The following ANKIB1 variants were observed in gnomAD, a reference collection of about 807,000 sequenced individuals.
The protein encoded by ANKIB1 is ankyrin repeat and IBR domain containing 1, also known as ankyrin repeat and IBR domain-containing protein 1.
Under a neutral mutation model 122.1 loss-of-function variants are expected in ANKIB1, and 43 were observed. The observed-to-expected ratio is 0.35, with a 90% CI of 0.28 to 0.45. The LOEUF is 0.45. Among genes scored for constraint, ANKIB1 ranks in the 20% least tolerant of loss-of-function variants. The pLI is 1.00. For synonymous variants in ANKIB1, 390 were observed against 442.0 expected (o/e 0.88, Z 1.48); for missense variants, 992 against 1,329.5 (o/e 0.75, Z 3.95).
chr7:92,307,480 G>C lies in ANKIB1; in HGVS notation c.310G>C (p.Ala104Pro). ...ISEGALHPRL[A>P]RPTEDDFRRA... ...TGAAGGAGCCCTTCATCCTCGCTTGGCACGCCCCACAGAAGATGATTTCAG... is the reference window on the plus strand; with the variant it reads ...TGAAGGAGCCCTTCATCCTCGCTTGCCACGCCCCACAGAAGATGATTTCAG... The change falls in exon 3 of 20, where the codon GCA becomes CCA. Residue 104 changes from alanine (A) to proline (P), a missense_variant. By Grantham distance (27) the Ala-to-Pro change is conservative. This residue lies in a region of ANKIB1 where 33 missense variants were observed against 27.5 expected (regional missense o/e 1.20). Transcript: ENST00000265742. 1 of 1,613,780 alleles carries C rather than the reference G, an allele frequency of 6.2e-7. No individual in the cohort carries two copies. The highest frequency in any genetic ancestry group is 8.5e-7 in the Non-Finnish European group (1 of 1,179,854).
In ANKIB1 at chr7:92,350,962, G is replaced by T. The variant is rs961453163; in HGVS notation, c.1098G>T (p.Leu366=). Residue 366 remains leucine, a synonymous_variant, in exon 8 of 20, where the codon CTG becomes CTT. Transcript: ENST00000265742. ...CRGCWESFLN[L]KIQEGEAHNI... ...TCCATTTTAATAGGTTTTTGAATCT[G>T]AAAATTCAAGAAGGTGAAGCTCACA... is the stretch of plus-strand genomic sequence containing the variant. 5 of 1,605,000 alleles carry T rather than the reference G, an allele frequency of 3.1e-6. No individual in the cohort carries two copies. The African/African-American group carries it at 4.0e-5, about 13-fold the overall frequency.
intron 3 of ANKIB1, among the ~76,000 whole-genome samples, chr7:92,310,983 C>T (rs1802680659): frequency 6.6e-6 from 1 of 152,116 alleles, no homozygotes; most frequent in South Asian, 2.1e-4. Flanking sequence ...CAGGTGGTAT[C>T]ATACTACTTT....
chr7:92,279,107 G>T (rs1049907726), intron 1 of ANKIB1, among the ~76,000 whole-genome samples: 1 of 152,176 alleles, frequency 6.6e-6, no homozygotes. Context: ...TCCTTTGTGT[G>T]TGCAGTTCAC....
At chr7:92,395,679 C>T (rs1804874450) in intron 17 of ANKIB1, among the ~76,000 whole-genome samples, 1 of 151,516 alleles carries the variant, frequency 6.6e-6, no homozygotes, top group South Asian at 2.1e-4. Context: ...GCTGGGATTA[C>T]AGGTGCCACC....
chr7:92,340,167 A>G (rs1247017244), intron 5 of ANKIB1, among the ~76,000 whole-genome samples: 2 of 152,126 alleles, frequency 1.3e-5, no homozygotes, highest in African/African-American at 4.8e-5. Context: ...TCTGTAATCC[A>G]GCTGTCTTTC....
intron 1 of ANKIB1, among the ~76,000 whole-genome samples, chr7:92,291,486 T>C (rs1585091374): frequency 6.6e-6 from 1 of 151,184 alleles, no homozygotes; most frequent in Non-Finnish European, 1.5e-5. Context: ...GAAAGAGTTA[T>C]AAAGGCATTC....
intron 11 of ANKIB1, among the ~76,000 whole-genome samples, chr7:92,371,888 ATCCT>A (rs1304208509): frequency 6.6e-6 from 1 of 151,034 alleles, no homozygotes; most frequent in Admixed American, 6.6e-5. Context: ...AAATTCATGA[ATCCT>A]TCCTTGCTAG....
At chr7:92,357,747 AAAG>A in intron 9 of ANKIB1, among the ~76,000 whole-genome samples, 1 of 143,340 alleles carries the variant, frequency 7.0e-6, no homozygotes, top group Non-Finnish European at 1.5e-5. Context: ...AAAAAAAAAA[AAAG>A]AAAAAGAAAA....
intron 1 of ANKIB1, among the ~76,000 whole-genome samples, chr7:92,254,159 T>G (rs1801388280): frequency 6.6e-6 from 1 of 152,150 alleles, no homozygotes; most frequent in Admixed American, 6.5e-5. Context: ...CAGCTGACCC[T>G]TTAGCTGAAC....
chr7:92,370,921 C>T (rs939521957), intron 10 of ANKIB1, among the ~76,000 whole-genome samples: 2 of 151,880 alleles, frequency 1.3e-5, no homozygotes, highest in Admixed American at 6.6e-5. Context: ...TGGAGAGGAA[C>T]CAGATATGAT....
Position 92,294,943 on chromosome 7 carries a change from A to C in ANKIB1, c.-36A>C, listed in dbSNP as rs746901944. The C allele has an allele frequency of 6.6e-7, 1 of 1,516,454 alleles. No individual in the cohort carries two copies. The highest frequency in any genetic ancestry group is 8.9e-7 in the Non-Finnish European group (1 of 1,124,802). The allele number at this position is 1,516,454 out of a possible 1,614,324, so 93.9% of individuals were successfully genotyped here. ...GAAGTGGCTGAAGATAGAAGGAAAA[A>C]AGTGCCACTGCCTATCAGAAAAAAC... On this transcript the variant is annotated 5_prime_UTR_variant, in exon 2 of 20. Coordinates refer to ENST00000265742, the MANE Select transcript of ANKIB1 (RefSeq NM_019004.2).
intron 4 of ANKIB1, among the ~76,000 whole-genome samples, chr7:92,321,013 A>G (rs937898085): frequency 6.6e-6 from 1 of 152,006 alleles, no homozygotes; most frequent in African/African-American, 2.4e-5. Flanking sequence ...GTTCTTTCCT[A>G]TGTCTGAAAT....
At chr7:92,380,676 G>A (rs1336362831) in intron 11 of ANKIB1, among the ~76,000 whole-genome samples, 2 of 152,076 alleles carry the variant, frequency 1.3e-5, no homozygotes, top group Non-Finnish European at 2.9e-5. Flanking sequence ...CCTGTTAGAA[G>A]GAAAACTAAC....
intron 1 of ANKIB1, among the ~76,000 whole-genome samples, chr7:92,264,169 TTTTG>T (rs968742801): frequency 1.8e-4 from 27 of 151,830 alleles, no homozygotes; most frequent in African/African-American, 4.8e-4. Flanking sequence ...TCGTTTTTTT[TTTTG>T]TTTGTTTGTT....
chr7:92,274,485 C>T (rs1252395017), intron 1 of ANKIB1, among the ~76,000 whole-genome samples: 5 of 151,924 alleles, frequency 3.3e-5, no homozygotes, highest in African/African-American at 1.2e-4. Flanking sequence ...AAGGAAATTG[C>T]ATTTTAGATG....
intron 2 of ANKIB1, among the ~76,000 whole-genome samples, chr7:92,295,615 A>G (rs1426074566): frequency 6.6e-6 from 1 of 152,160 alleles, no homozygotes; most frequent in East Asian, 1.9e-4. Context: ...CTGATTAGCT[A>G]TTTTTAGTTA....
At chr7:92,330,861 A>G (rs907287334) in intron 5 of ANKIB1, among the ~76,000 whole-genome samples, 5 of 152,074 alleles carry the variant, frequency 3.3e-5, no homozygotes, top group Non-Finnish European at 7.4e-5. Flanking sequence ...ACAAAAACAA[A>G]AAACAAAATA....
chr7:92,286,378 T>C (rs368498707), intron 1 of ANKIB1, among the ~76,000 whole-genome samples: 6 of 152,264 alleles, frequency 3.9e-5, no homozygotes, highest in African/African-American at 1.2e-4. Context: ...GTGCCAAAAA[T>C]CATAGTAAAT....
intron 17 of ANKIB1, among the ~76,000 whole-genome samples, chr7:92,392,833 C>T (rs905317909): frequency 6.6e-6 from 1 of 151,832 alleles, no homozygotes; most frequent in African/African-American, 2.4e-5. Flanking sequence ...ATTAATATAC[C>T]GTTTTGAAAT....
Sources: gnomAD v4.1 joint callset for allele counts (sites outside exome capture counted in the v4.1 genomes callset) on GRCh38, gnomAD v4.1.1 for gene constraint, gnomAD v4.1.1 regional missense constraint, MANE v1.5 for transcripts, NCBI Gene and HGNC (gene_info 2026-07-23, HGNC 2026-07-21) for gene names.